The following HIVEP3 variants were observed in gnomAD, a reference collection of about 807,000 sequenced individuals.
HIVEP3 encodes HIVEP zinc finger 3, also known as transcription factor HIVEP3.
Under a neutral mutation model 152.8 loss-of-function variants are expected in HIVEP3, and 49 were observed. That is an observed-to-expected ratio of 0.32 (90% CI 0.26 to 0.41). The LOEUF (loss-of-function observed/expected upper bound fraction) is 0.41. Among genes scored for constraint, HIVEP3 ranks in the 10% least tolerant of loss-of-function variants. The pLI is 1.00. For missense variants in HIVEP3, 2,790 were observed against 3,103.3 expected, an observed-to-expected ratio of 0.90 and a Z score of 2.40; for synonymous variants, 1,269 against 1,289.0, an observed-to-expected ratio of 0.98 and a Z score of 0.33.
At chr1:41,673,632 A>AT (rs1468101318) in intron 2 of HIVEP3, among the ~76,000 whole-genome samples, 9 of 151,966 alleles carry the variant, frequency 5.9e-5, no homozygotes, top group African/African-American at 9.7e-5. Context: ...AACTCTAAGC[A>AT]TTTTTTTTCT....
chr1:41,702,158 T>C (rs2124130179), intron 1 of HIVEP3, among the ~76,000 whole-genome samples: 1 of 151,972 alleles, frequency 6.6e-6, no homozygotes, highest in East Asian at 1.9e-4. Context: ...AAGCAGAAGC[T>C]CAACAAATGG....
intron 1 of HIVEP3, among the ~76,000 whole-genome samples, chr1:42,028,794 T>A (rs1645596245): frequency 6.6e-6 from 1 of 152,166 alleles, no homozygotes; most frequent in Non-Finnish European, 1.5e-5. Context: ...ACTAGGTGCC[T>A]CTAACTCAAA....
intron 1 of HIVEP3, among the ~76,000 whole-genome samples, chr1:41,808,609 A>C (rs1225340166): frequency 3.9e-5 from 6 of 152,226 alleles, no homozygotes; most frequent in African/African-American, 1.4e-4. Flanking sequence ...CACACCTCCA[A>C]TTACAGCACA....
At chr1:41,689,708 C>G (rs1646166785) in intron 2 of HIVEP3, among the ~76,000 whole-genome samples, 1 of 152,242 alleles carries the variant, frequency 6.6e-6, no homozygotes, top group African/African-American at 2.4e-5. Context: ...TTTCAGGGAG[C>G]AGCTGAATAT....
At chr1:41,619,706 A>T (rs1308584859) in intron 3 of HIVEP3, among the ~76,000 whole-genome samples, 1 of 152,136 alleles carries the variant, frequency 6.6e-6, no homozygotes, top group African/African-American at 2.4e-5. Flanking sequence ...CAGCAGAGGG[A>T]GAGCCAGGGC....
chr1:41,903,766 G>A (rs979953489), intron 1 of HIVEP3, among the ~76,000 whole-genome samples: 3 of 128,504 alleles, frequency 2.3e-5, no homozygotes, highest in Non-Finnish European at 4.8e-5. Context: ...TAGACTCAGA[G>A]TACACACATG....
At chr1:41,782,308 G>A (rs1308503309) in intron 1 of HIVEP3, among the ~76,000 whole-genome samples, 2 of 152,220 alleles carry the variant, frequency 1.3e-5, no homozygotes, top group Non-Finnish European at 2.9e-5. Flanking sequence ...GGGGCTGTGG[G>A]CAGAAGGGAA....
intron 1 of HIVEP3, among the ~76,000 whole-genome samples, chr1:41,765,097 C>T (rs959159935): frequency 6.6e-6 from 1 of 152,346 alleles, no homozygotes; most frequent in East Asian, 1.9e-4. Flanking sequence ...GCCTCTTGAG[C>T]TTCTTTGACC....
chr1:41,549,221 A>G (rs897269531), intron 5 of HIVEP3, among the ~76,000 whole-genome samples: 15 of 152,198 alleles, frequency 9.9e-5, no homozygotes, highest in Non-Finnish European at 1.8e-4. Flanking sequence ...TTCTATGGGT[A>G]CATAGTATTC....
intron 5 of HIVEP3, among the ~76,000 whole-genome samples, chr1:41,566,775 C>T (rs1644170241): frequency 6.6e-6 from 1 of 152,176 alleles, no homozygotes; most frequent in Non-Finnish European, 1.5e-5. Context: ...CCAGGATTCA[C>T]ACTTGGCTGG....
At chr1:41,545,476 C>CCAT (rs1643750003) in intron 5 of HIVEP3, among the ~76,000 whole-genome samples, 1 of 132,310 alleles carries the variant, frequency 7.6e-6, no homozygotes, top group Non-Finnish European at 1.7e-5. Flanking sequence ...ACCACCAACA[C>CCAT]CACTACCACC....
At chr1:41,854,539 T>TTA (rs1553123147) in intron 1 of HIVEP3, among the ~76,000 whole-genome samples, 26 of 144,064 alleles carry the variant, frequency 1.8e-4, no homozygotes, top group Admixed American at 7.5e-4. Context: ...TTTTTTTTTT[T>TTA]ATACTCTAAG....
intron 2 of HIVEP3, among the ~76,000 whole-genome samples, chr1:41,640,591 T>C (rs1645358025): frequency 1.3e-5 from 2 of 152,254 alleles, no homozygotes; most frequent in South Asian, 4.1e-4. Flanking sequence ...GCAGGGAAGA[T>C]AGATAAGAAA....
Position 41,584,594 on chromosome 1 carries a change from T to G in HIVEP3, c.204A>C (p.Glu68Asp). Residue 68 changes from glutamate (E) to aspartate (D), a missense_variant, in exon 4 of 9, where the codon GAA (glutamate) becomes GAC (aspartate). By Grantham distance (45) the Glu-to-Asp change is conservative. Coordinates refer to ENST00000372583, the MANE Select transcript of HIVEP3 (RefSeq NM_024503.5). The surrounding 1 kb of genome is among the most constrained non-coding windows in gnomAD (Gnocchi z 5.2). ...GCTGGCCCGTTTTCTCCTGAGAGCCTTCCCTAAGAACTGATGAGGGGCCCG... is the reference window on the plus strand; with the variant it reads ...GCTGGCCCGTTTTCTCCTGAGAGCCGTCCCTAAGAACTGATGAGGGGCCCG... Reference protein sequence around the residue: ...PFPGPSSVLREGSQEKTGQQQ... With the variant: ...PFPGPSSVLRDGSQEKTGQQQ... 6.2e-7 allele frequency: 1 copy of G among 1,613,830 alleles called. No homozygotes were observed. Among genetic ancestry groups the G allele is most frequent in the Non-Finnish European group, 8.5e-7 (1 of 1,179,816 alleles).
intron 1 of HIVEP3, among the ~76,000 whole-genome samples, chr1:41,910,926 G>A (rs113349040): frequency 6.6e-6 from 1 of 151,932 alleles, no homozygotes; most frequent in African/African-American, 2.4e-5. Context: ...AAGCTTAAAC[G>A]TTTAGAAGAC....
intron 1 of HIVEP3, among the ~76,000 whole-genome samples, chr1:41,843,331 A>G (rs1643344082): frequency 1.3e-5 from 2 of 152,250 alleles, no homozygotes; most frequent in Non-Finnish European, 2.9e-5. Context: ...GAAGTAACAG[A>G]GGGATTTTTG....
chr1:41,690,078 T>C (rs760469880), intron 2 of HIVEP3, among the ~76,000 whole-genome samples: 5 of 152,248 alleles, frequency 3.3e-5, no homozygotes, highest in African/African-American at 4.8e-5. Flanking sequence ...AATACACTTG[T>C]ATTGCTGGAT....
intron 1 of HIVEP3, among the ~76,000 whole-genome samples, chr1:41,994,617 C>T (rs1645384699): frequency 6.6e-6 from 1 of 152,132 alleles, no homozygotes; most frequent in African/African-American, 2.4e-5. Flanking sequence ...TTTCACCTTC[C>T]ACCATGACTG....
intron 1 of HIVEP3, among the ~76,000 whole-genome samples, chr1:42,005,848 C>T (rs1019921525): frequency 8.5e-5 from 13 of 152,182 alleles, no homozygotes; most frequent in Non-Finnish European, 1.2e-4. Context: ...AATACTTTTG[C>T]TTCTAGCTTA....
Sources: gnomAD v4.1 joint callset for allele counts (sites outside exome capture counted in the v4.1 genomes callset) on GRCh38, gnomAD v4.1.1 for gene constraint, Gnocchi (gnomAD v3.1) non-coding constraint, MANE v1.5 for transcripts, NCBI Gene and HGNC (gene_info 2026-07-23, HGNC 2026-07-21) for gene names.